The following CTNNA2 variants were observed in gnomAD, a reference collection of about 807,000 sequenced individuals.
CTNNA2 encodes catenin alpha-2.
A neutral mutation model predicts 101.0 loss-of-function variants in CTNNA2; 42 were observed. The observed-to-expected ratio is 0.42, with a 90% CI of 0.32 to 0.54. The LOEUF is 0.54. Ranked by LOEUF, CTNNA2 falls within the 20% of genes least tolerant of loss-of-function variation. CTNNA2 has a pLI of 0.14. For missense variants in CTNNA2, 871 were observed against 1,223.1 expected, an observed-to-expected ratio of 0.71 and a Z score of 4.29; for synonymous variants, 450 against 456.4, an observed-to-expected ratio of 0.99 and a Z score of 0.18.
At chr2:79,782,278 C>A (rs1674504820) in intron 3 of CTNNA2, among the ~76,000 whole-genome samples, 1 of 151,502 alleles carries the variant, frequency 6.6e-6, no homozygotes, top group Non-Finnish European at 1.5e-5. Flanking sequence ...CTCTTTTTGC[C>A]CAGGTTGGAG....
chr2:80,189,784 A>AC (rs1287601997), intron 7 of CTNNA2, among the ~76,000 whole-genome samples: 1 of 152,070 alleles, frequency 6.6e-6, no homozygotes, highest in African/African-American at 2.4e-5. Flanking sequence ...CACACACACA[A>AC]TAAAACAAAA....
rs1260842492 is a variant in CTNNA2 at position 80,401,694 on chromosome 2, C to G, written c.1137+8403C>G. On this transcript the variant is annotated intron_variant, in intron 8 of 18. Transcript: ENST00000402739. Reference sequence around the variant, plus strand: ...TCTGAGGATTTGTGAGGCCTTCCAACTCTTCTGCAATCTCCTTGGCCTCTA... The same window carrying G: ...TCTGAGGATTTGTGAGGCCTTCCAAGTCTTCTGCAATCTCCTTGGCCTCTA... 3.7e-4 allele frequency among the ~76,000 whole-genome samples: 56 copies of G among 152,066 alleles called. 1 individual carries two copies. Among genetic ancestry groups the G allele is most frequent in the Admixed American group, 3.7e-3 (56 of 15,278 alleles).
intron 1 of CTNNA2, among the ~76,000 whole-genome samples, chr2:79,613,911 T>C (rs1006639454): frequency 6.6e-6 from 1 of 152,178 alleles, no homozygotes; most frequent in African/African-American, 2.4e-5. Context: ...TTGACTGTTT[T>C]ATAGTTGAGC....
At chr2:79,336,131 G>A (rs187279780) in intron 3 of CTNNA2, among the ~76,000 whole-genome samples, 1 of 152,280 alleles carries the variant, frequency 6.6e-6, no homozygotes, top group East Asian at 1.9e-4. Context: ...AATGGAATTA[G>A]GATTGGTGCA....
At position 80,250,553 on chromosome 2, in the gene CTNNA2, A is replaced by G. The variant is rs1671687070; in HGVS notation, c.1057-142658A>G. Among the ~76,000 whole-genome samples, 5 of 152,136 alleles carry G rather than the reference A, an allele frequency of 3.3e-5. No individual in the cohort carries two copies. The South Asian group carries it at 6.2e-4, about 19-fold the overall frequency. ...AATTAAGAGAAAGGGGCTCCATTCA[A>G]TGGAGCAGAGGGTTCCAGGAAGGTG... On this transcript the variant is annotated intron_variant, in intron 7 of 18. Transcript: ENST00000402739.
intron 7 of CTNNA2, among the ~76,000 whole-genome samples, chr2:79,915,272 G>A (rs1001443932): frequency 6.7e-6 from 1 of 150,012 alleles, no homozygotes; most frequent in Admixed American, 6.7e-5. Context: ...ATGTTTCTGA[G>A]CATATAGGAG....
At position 80,077,024 on chromosome 2, in the gene CTNNA2, C is replaced by T. The variant is rs774331309; in HGVS notation, c.1056+167227C>T. On this transcript the variant is annotated intron_variant, in intron 7 of 18. Transcript: ENST00000402739. Reference sequence around the variant, plus strand: ...TCACGCCACTGTACTCCAGTCTGAGCGACAGAGTGAGACTCTGTCTCAAAA... The same window carrying T: ...TCACGCCACTGTACTCCAGTCTGAGTGACAGAGTGAGACTCTGTCTCAAAA... 5.3e-5 allele frequency among the ~76,000 whole-genome samples: 8 copies of T among 152,056 alleles called. No homozygotes were observed. In the South Asian group the frequency reaches 1.3e-3, roughly 24 times the overall value.
At chr2:80,463,021 C>A (rs1282157878) in intron 9 of CTNNA2, among the ~76,000 whole-genome samples, 1 of 152,152 alleles carries the variant, frequency 6.6e-6, no homozygotes, top group Non-Finnish European at 1.5e-5. Flanking sequence ...CTGTTTCCAA[C>A]CCTCTCAGCC....
intron 4 of CTNNA2, among the ~76,000 whole-genome samples, chr2:79,404,292 T>G (rs1252112120): frequency 2.0e-5 from 3 of 151,968 alleles, no homozygotes; most frequent in African/African-American, 7.2e-5. Context: ...ATTCTACCTT[T>G]CTTTGTGACA....
intron 7 of CTNNA2, among the ~76,000 whole-genome samples, chr2:80,012,399 T>A (rs1054901011): frequency 1.3e-5 from 2 of 152,186 alleles, no homozygotes; most frequent in African/African-American, 4.8e-5. Flanking sequence ...AGCTGTCTTG[T>A]TGCCTCTTGA....
chr2:80,398,705 A>G (rs1373049056), intron 8 of CTNNA2, among the ~76,000 whole-genome samples: 1 of 150,282 alleles, frequency 6.7e-6, no homozygotes, highest in Non-Finnish European at 1.5e-5. Flanking sequence ...AAATACAAAA[A>G]AAAAAAAAAA....
intron 7 of CTNNA2, among the ~76,000 whole-genome samples, chr2:80,086,365 A>G (rs1699438835): frequency 6.6e-6 from 1 of 152,210 alleles, no homozygotes; most frequent in East Asian, 1.9e-4. Context: ...ATTTGTGCTG[A>G]TTTAAAGTGT....
intron 2 of CTNNA2, among the ~76,000 whole-genome samples, chr2:79,309,781 G>T (rs1676324794): frequency 6.6e-6 from 1 of 152,014 alleles, no homozygotes; most frequent in African/African-American, 2.4e-5. Context: ...TTTTAGTTTG[G>T]TCTGCTGGTG....
At chr2:80,430,104 C>T (rs1209378539) in intron 9 of CTNNA2, among the ~76,000 whole-genome samples, 1 of 152,262 alleles carries the variant, frequency 6.6e-6, no homozygotes, top group East Asian at 1.9e-4. Context: ...AATCTTTATA[C>T]CCAGCCCTCA....
At chr2:79,551,507 C>T (rs1371075097) in intron 1 of CTNNA2, among the ~76,000 whole-genome samples, 2 of 152,086 alleles carry the variant, frequency 1.3e-5, no homozygotes, top group Non-Finnish European at 1.5e-5. Context: ...GAAGGATAAC[C>T]TCTACACCTG....
chr2:79,361,647 G>C (rs1003157523), intron 3 of CTNNA2, among the ~76,000 whole-genome samples: 1 of 152,092 alleles, frequency 6.6e-6, no homozygotes, highest in African/African-American at 2.4e-5. Flanking sequence ...TACATATAAA[G>C]GGGAGTTTAT....
chr2:80,121,345 A>G (rs960964020), intron 7 of CTNNA2, among the ~76,000 whole-genome samples: 1 of 152,218 alleles, frequency 6.6e-6, no homozygotes, highest in African/African-American at 2.4e-5. Context: ...AATGGGAATA[A>G]TCATTATTAT....
chr2:80,291,775 AGCTG>A (rs1161101689), intron 7 of CTNNA2, among the ~76,000 whole-genome samples: 1 of 152,224 alleles, frequency 6.6e-6, no homozygotes, highest in Non-Finnish European at 1.5e-5. Flanking sequence ...AGGCCCTTGT[AGCTG>A]GCTGCTAGCC....
At chr2:80,290,887 C>T (rs1429315878) in intron 7 of CTNNA2, among the ~76,000 whole-genome samples, 2 of 152,062 alleles carry the variant, frequency 1.3e-5, no homozygotes, top group Non-Finnish European at 2.9e-5. Context: ...ATAAAACAAG[C>T]CAGCAATGAC....
Sources: allele counts gnomAD v4.1 joint callset (sites outside exome capture counted in the v4.1 genomes callset), GRCh38; gene constraint gnomAD v4.1.1; transcripts MANE v1.5; gene names NCBI Gene and HGNC (gene_info 2026-07-23, HGNC 2026-07-21).